SLIT3: variants seen among roughly 807,000 people sequenced by gnomAD.
The protein encoded by SLIT3 is slit guidance ligand 3.
In SLIT3, 68 loss-of-function variants were observed where a neutral mutation model predicts 184.0. The ratio of observed to expected loss-of-function variants is 0.37; its 90% CI spans 0.30 to 0.45. SLIT3 has a LOEUF of 0.45. SLIT3 is among the 20% of genes least tolerant of loss of function. The pLI is 1.00. For missense variants in SLIT3, 1,707 were observed against 2,026.0 expected, an observed-to-expected ratio of 0.84 and a Z score of 3.02; for synonymous variants, 831 against 828.6, an observed-to-expected ratio of 1.00 and a Z score of -0.05.
At chr5:168,896,610 T>A (rs1052554858) in intron 4 of SLIT3, among the ~76,000 whole-genome samples, 2 of 152,168 alleles carry the variant, frequency 1.3e-5, no homozygotes, top group African/African-American at 4.8e-5. Flanking sequence ...AGGGAGACTC[T>A]CTCTCGTGGA....
intron 4 of SLIT3, among the ~76,000 whole-genome samples, chr5:168,888,086 C>T (rs1760290531): frequency 6.6e-6 from 1 of 152,186 alleles, no homozygotes; most frequent in Admixed American, 6.5e-5. Flanking sequence ...CAGAAACAGA[C>T]ACCGAGCCAA....
chr5:168,895,116 G>A (rs2113815464), intron 4 of SLIT3, among the ~76,000 whole-genome samples: 1 of 152,334 alleles, frequency 6.6e-6, no homozygotes, highest in Middle Eastern at 3.4e-3. Flanking sequence ...CTGCAGTTTG[G>A]GAGAAGTTGA....
intron 4 of SLIT3, among the ~76,000 whole-genome samples, chr5:169,038,497 T>G (rs1228170552): frequency 1.3e-5 from 2 of 152,146 alleles, no homozygotes; most frequent in Non-Finnish European, 2.9e-5. Context: ...CTTAGGTTTT[T>G]AAAAAAGTGC....
At chr5:168,842,882 G>A (rs1048841905) in intron 6 of SLIT3, among the ~76,000 whole-genome samples, 3 of 152,152 alleles carry the variant, frequency 2.0e-5, no homozygotes, top group Non-Finnish European at 2.9e-5. Flanking sequence ...CTCTGTCAAG[G>A]GAGGAAAAAG....
At chr5:168,731,384 A>G (rs1763286463) in intron 20 of SLIT3, among the ~76,000 whole-genome samples, 1 of 151,896 alleles carries the variant, frequency 6.6e-6, no homozygotes, top group Non-Finnish European at 1.5e-5. Context: ...CACACAAAAA[A>G]CTAGTATTAA....
rs971469513 is a variant in SLIT3 at position 168,710,843 on chromosome 5, C to T, written c.2719+52G>A. On this transcript the variant is annotated intron_variant, in intron 25 of 35. Transcript: ENST00000519560. The stretch of plus-strand genomic sequence containing the variant: ...CCCTGCTCTGACAGGTTGCTGGGAA[C>T]ACAGCAGACCCCAAGAGGGGCAGGG... The T allele has an allele frequency of 4.1e-4, 573 of 1,396,072 alleles. 8 individuals are homozygous for T. The highest frequency in any genetic ancestry group is 1.4e-4 in the Admixed American group (5 of 35,158). 86.5% of individuals were successfully genotyped at this position (1,396,072 alleles called of 1,614,324 possible). A position where few individuals can be genotyped will look rare whatever the true frequency, so the allele number is the denominator to read the frequency against.
At chr5:169,093,523 AGGGTCGAGTT>A (rs1759666095) in intron 4 of SLIT3, among the ~76,000 whole-genome samples, 1 of 152,152 alleles carries the variant, frequency 6.6e-6, no homozygotes, top group South Asian at 2.1e-4. Context: ...GCTTGTGCTG[AGGGTCGAGTT>A]GATCATTCCT....
intron 11 of SLIT3, 84 bp downstream of exon 11, chr5:168,789,476 C>A (rs1197333084): frequency 2.0e-6 from 2 of 1,020,274 alleles, no homozygotes; most frequent in Non-Finnish European, 3.0e-6. Context: ...TTGATAAACA[C>A]CTCCTGAGAA....
chr5:168,681,706 C>A (rs781148810), intron 32 of SLIT3, among the ~76,000 whole-genome samples: 4 of 152,244 alleles, frequency 2.6e-5, no homozygotes, highest in Non-Finnish European at 5.9e-5. Context: ...ACCACCCACA[C>A]CAGCCTTCTA....
At chr5:168,884,734 T>C (rs1760127242) in intron 4 of SLIT3, among the ~76,000 whole-genome samples, 1 of 151,748 alleles carries the variant, frequency 6.6e-6, no homozygotes, top group African/African-American at 2.4e-5. Context: ...AGTGGCTATA[T>C]GGGTCCCAAA....
intron 1 of SLIT3, among the ~76,000 whole-genome samples, chr5:169,281,874 T>TCC (rs200226179): frequency 1.4e-5 from 1 of 71,058 alleles, no homozygotes; most frequent in Non-Finnish European, 3.6e-5. Flanking sequence ...AGAGGTAATT[T>TCC]TCCCCCCCAG....
At position 169,279,486 on chromosome 5, in the gene SLIT3, A is replaced by G. The variant is rs547096960; in HGVS notation, c.197+21027T>C. Among the ~76,000 whole-genome samples the G allele has an allele frequency of 7.4e-4, 112 of 152,280 alleles. 1 individual carries two copies. Among genetic ancestry groups the G allele is most frequent in the South Asian group, 5.8e-3 (28 of 4,808 alleles). On this transcript the variant is annotated intron_variant, in intron 1 of 35. Coordinates refer to ENST00000519560, the MANE Select transcript of SLIT3 (RefSeq NM_003062.4). The stretch of plus-strand genomic sequence containing the variant: ...TGCATACATACAGAAAAGGAAGAGA[A>G]AGAGAAATTTCTGTGACTTACATAT...
At chr5:169,199,273 T>C (rs975015536) in intron 3 of SLIT3, among the ~76,000 whole-genome samples, 4 of 149,014 alleles carry the variant, frequency 2.7e-5, no homozygotes, top group Non-Finnish European at 5.9e-5. Flanking sequence ...AGGATAACAG[T>C]GTGGCTGAAG....
intron 11 of SLIT3, 78 bp downstream of exon 11, chr5:168,789,482 G>T: frequency 8.9e-7 from 1 of 1,118,670 alleles, no homozygotes; most frequent in South Asian, 1.3e-5. Context: ...AACACCTCCT[G>T]AGAAATATGG....
intron 20 of SLIT3, among the ~76,000 whole-genome samples, chr5:168,737,080 T>G (rs1254575746): frequency 6.6e-6 from 1 of 152,118 alleles, no homozygotes; most frequent in Non-Finnish European, 1.5e-5. Flanking sequence ...AGGCAGGACA[T>G]TCTTGCTTGC....
intron 3 of SLIT3, among the ~76,000 whole-genome samples, chr5:169,207,074 C>T (rs1026767412): frequency 2.0e-5 from 3 of 149,816 alleles, no homozygotes; most frequent in Non-Finnish European, 4.4e-5. Context: ...TTTTCCAGCA[C>T]GGGAAGGATT....
chr5:169,178,346 C>T (rs1763045397), intron 4 of SLIT3, among the ~76,000 whole-genome samples: 1 of 152,164 alleles, frequency 6.6e-6, no homozygotes, highest in Non-Finnish European at 1.5e-5. Context: ...CTGCTCCCTG[C>T]CTCAGTTTCT....
chr5:168,927,272 A>C (rs996716310), intron 4 of SLIT3, among the ~76,000 whole-genome samples: 4 of 152,218 alleles, frequency 2.6e-5, no homozygotes, highest in African/African-American at 9.6e-5. Context: ...CAGTCATAAA[A>C]AGACAAATAC....
intron 17 of SLIT3, among the ~76,000 whole-genome samples, chr5:168,753,633 GGGTGTGTGTGT>G (rs1017886571): frequency 1.3e-5 from 2 of 152,102 alleles, no homozygotes; most frequent in African/African-American, 2.4e-5. Context: ...TGACTATGTT[GGGTGTGTGTGT>G]GGTGTGTGTG....
Sources: allele counts gnomAD v4.1 joint callset (sites outside exome capture counted in the v4.1 genomes callset), GRCh38; gene constraint gnomAD v4.1.1; transcripts MANE v1.5; gene names NCBI Gene and HGNC (gene_info 2026-07-23, HGNC 2026-07-21).